The following FRMD5 variants were observed in gnomAD, a reference collection of about 807,000 sequenced individuals.
The protein encoded by FRMD5 is FERM domain containing 5.
In FRMD5, 20 loss-of-function variants were observed where a neutral mutation model predicts 69.0. That is an observed-to-expected ratio of 0.29 (90% CI 0.20 to 0.42). The LOEUF is 0.42. FRMD5 is among the 10% of genes least tolerant of loss of function. The probability of loss-of-function intolerance (pLI) is 1.00; values close to 1 mark genes in which losing one functional copy is unlikely to be tolerated. For missense variants in FRMD5, 595 were observed against 708.6 expected (o/e 0.84, Z 1.82); for synonymous variants, 271 against 260.1 (o/e 1.04, Z -0.40).
At chr15:43,916,687 A>G (rs563816802) in intron 4 of FRMD5, among the ~76,000 whole-genome samples, 6 of 152,316 alleles carry the variant, frequency 3.9e-5, no homozygotes, top group African/African-American at 1.4e-4. Flanking sequence ...AAGTAACATA[A>G]GTAAGATCTG....
At chr15:44,029,792 G>C (rs1484387545) in intron 1 of FRMD5, among the ~76,000 whole-genome samples, 1 of 152,180 alleles carries the variant, frequency 6.6e-6, no homozygotes. Flanking sequence ...AGTAGGTCTG[G>C]GGTGGAGCAT....
At position 43,925,003 on chromosome 15, in the gene FRMD5, CT is replaced by C. The variant is rs58833260; in HGVS notation, c.103-695del. Among the ~76,000 whole-genome samples, 604 of 128,992 alleles carry C rather than the reference CT, an allele frequency of 4.7e-3. 5 individuals carry two copies. The highest frequency in any genetic ancestry group is 0.014 in the African/African-American group (454 of 31,848). 84.6% of individuals were successfully genotyped at this position (128,992 alleles called of 152,430 possible). A position where few individuals can be genotyped will look rare whatever the true frequency, so the allele number is the denominator to read the frequency against. Reference sequence around the variant, plus strand: ...AACTGTTATCAGCTTCTTGTATATCCTTTTTTTTTTTTTTTTTTTGAGATGG... The same window carrying C: ...AACTGTTATCAGCTTCTTGTATATCCTTTTTTTTTTTTTTTTTTGAGATGG... On this transcript the variant is annotated intron_variant, in intron 1 of 13. Transcript: ENST00000417257.
intron 1 of FRMD5, among the ~76,000 whole-genome samples, chr15:43,979,424 C>A (rs1466644855): frequency 6.6e-6 from 1 of 152,092 alleles, no homozygotes; most frequent in Non-Finnish European, 1.5e-5. Context: ...GATATTGATC[C>A]ATGGTTATTC....
chr15:44,194,571 C>A, intron 1 of FRMD5: 1 of 325,866 alleles, frequency 3.1e-6, no homozygotes, highest in South Asian at 2.8e-5. Flanking sequence ...AGAGCCAAAG[C>A]CTGCGCCCCC....
At chr15:43,976,802 G>A (rs2090470052) in intron 1 of FRMD5, among the ~76,000 whole-genome samples, 1 of 152,056 alleles carries the variant, frequency 6.6e-6, no homozygotes, top group South Asian at 2.1e-4. Context: ...AAGTAGCTGG[G>A]ATTACAGGCA....
At chr15:44,136,212 C>A (rs1051107103) in intron 1 of FRMD5, among the ~76,000 whole-genome samples, 3 of 52,964 alleles carry the variant, frequency 5.7e-5, no homozygotes, top group Non-Finnish European at 2.2e-4. Context: ...TTGGTAGAGA[C>A]GGGGTTTCAC....
At chr15:44,017,580 T>A (rs1421008893) in intron 1 of FRMD5, among the ~76,000 whole-genome samples, 1 of 151,934 alleles carries the variant, frequency 6.6e-6, no homozygotes, top group Admixed American at 6.6e-5. Flanking sequence ...TTTGGGCAAG[T>A]CATTGATCTA....
intron 12 of FRMD5, 40 bp from the exon 13 acceptor site, chr15:43,883,849 G>T: frequency 1.4e-6 from 2 of 1,452,074 alleles, no homozygotes; most frequent in South Asian, 2.3e-5. Context: ...TTCAGTGCAT[G>T]GACACATTTG....
At chr15:44,118,270 T>C (rs1386983571) in intron 1 of FRMD5, among the ~76,000 whole-genome samples, 1 of 152,194 alleles carries the variant, frequency 6.6e-6, no homozygotes, top group East Asian at 1.9e-4. Context: ...ATAAAGTGTT[T>C]TCCCTTCTGG....
At chr15:43,978,364 T>C (rs1260771540) in intron 1 of FRMD5, among the ~76,000 whole-genome samples, 2 of 152,220 alleles carry the variant, frequency 1.3e-5, no homozygotes, top group Non-Finnish European at 2.9e-5. Flanking sequence ...GTGCAGGTAC[T>C]AGAACTCTCA....
chr15:43,973,369 T>C (rs1306377757), intron 1 of FRMD5, among the ~76,000 whole-genome samples: 1 of 132,788 alleles, frequency 7.5e-6, no homozygotes, highest in Non-Finnish European at 1.6e-5. Flanking sequence ...AATGCTAATG[T>C]TTTTTTTTTT....
At chr15:43,888,045 C>T in intron 10 of FRMD5, 130 bp downstream of exon 10, 1 of 643,982 alleles carries the variant, frequency 1.6e-6, no homozygotes, top group South Asian at 2.0e-5. Context: ...CCTGGCTTCT[C>T]AGTAACTGTC....
intron 1 of FRMD5, among the ~76,000 whole-genome samples, chr15:43,995,375 G>T (rs536802814): frequency 3.9e-5 from 6 of 152,182 alleles, no homozygotes; most frequent in Admixed American, 6.5e-5. Flanking sequence ...AGCTACAAAG[G>T]GCTGAAGCCT....
chr15:43,874,367 C>T lies in FRMD5; in HGVS notation c.1231G>A (p.Asp411Asn). 1 of 1,614,212 alleles carries T rather than the reference C, an allele frequency of 6.2e-7. No homozygotes were observed. The highest frequency in any genetic ancestry group is 8.5e-7 in the Non-Finnish European group (1 of 1,180,038). The stretch of plus-strand genomic sequence containing the variant: ...ATCACAGCTACTCGCTCATTGCTAT[C>T]TGTCCGGCTGCTTCTCACGTGAGGC... ...FLPHVRSSRT[D>N]SNERVAVIAD... The change falls in exon 14 of 14, where the codon GAT (aspartate) becomes AAT (asparagine). Residue 411 changes from aspartate to asparagine, a missense_variant. By Grantham distance (23) the Asp-to-Asn change is conservative. Transcript: ENST00000417257.
chr15:43,912,854 C>T (rs2089313282), intron 4 of FRMD5, among the ~76,000 whole-genome samples: 1 of 126,430 alleles, frequency 7.9e-6, no homozygotes, highest in Non-Finnish European at 1.6e-5. Flanking sequence ...CCCATCTCTA[C>T]TAAAAATACA....
At chr15:43,987,367 T>C (rs1889442131) in intron 1 of FRMD5, among the ~76,000 whole-genome samples, 1 of 152,204 alleles carries the variant, frequency 6.6e-6, no homozygotes, top group African/African-American at 2.4e-5. Context: ...AACACATGAA[T>C]GGTAAAGTGA....
chr15:43,962,456 G>C (rs566466713), intron 1 of FRMD5, among the ~76,000 whole-genome samples: 2 of 152,144 alleles, frequency 1.3e-5, no homozygotes, highest in African/African-American at 2.4e-5. Context: ...GGAAGAATCA[G>C]TATCGTGAAA....
intron 1 of FRMD5, among the ~76,000 whole-genome samples, chr15:43,951,619 T>A (rs1026867749): frequency 1.3e-5 from 2 of 152,132 alleles, no homozygotes; most frequent in African/African-American, 4.8e-5. Flanking sequence ...ACACACCAGA[T>A]AATATGTGTG....
intron 7 of FRMD5, among the ~76,000 whole-genome samples, chr15:43,895,131 T>G (rs958706407): frequency 3.3e-5 from 5 of 152,260 alleles, no homozygotes; most frequent in African/African-American, 9.6e-5. Flanking sequence ...TAGCTGAGTT[T>G]GTTGAACTTA....
Sources: allele counts gnomAD v4.1 joint callset (sites outside exome capture counted in the v4.1 genomes callset), GRCh38; gene constraint gnomAD v4.1.1; transcripts MANE v1.5; gene names NCBI Gene and HGNC (gene_info 2026-07-23, HGNC 2026-07-21).